PDXDC1: variants seen among roughly 807,000 people sequenced by gnomAD.
PDXDC1 encodes pyridoxal-dependent decarboxylase domain-containing protein 1.
Under a neutral mutation model 100.1 loss-of-function variants are expected in PDXDC1, and 42 were observed. The observed-to-expected ratio is 0.42, with a 90% CI of 0.33 to 0.54. The LOEUF is 0.54. PDXDC1 is among the 20% of genes least tolerant of loss of function. The pLI is 0.10. For synonymous variants in PDXDC1, 260 were observed against 371.7 expected, an observed-to-expected ratio of 0.70 and a Z score of 3.46; for missense variants, 636 against 979.2, an observed-to-expected ratio of 0.65 and a Z score of 4.68.
chr16:15,074,546 C>A lies in PDXDC1; in HGVS notation c.1399+44490C>A, dbSNP rs533748246. On this transcript the variant is annotated intron_variant, in intron 16 of 16. Transcript: ENST00000535621. ...ATATAACTCAGCCAGAATCCCAGTC[C>A]CATTTTCAAGCTATGTGACTGGCAA... 9 of 455,992 alleles carry A rather than the reference C, an allele frequency of 2.0e-5. No individual in the cohort carries two copies. The South Asian group carries it at 4.6e-4, about 23-fold the overall frequency. 28.2% of individuals were successfully genotyped at this position (455,992 alleles called of 1,614,324 possible).
At chr16:15,125,282 C>G in intron 16 of PDXDC1, 1 of 628,848 alleles carries the variant, frequency 1.6e-6, no homozygotes, top group Non-Finnish European at 2.8e-6. Flanking sequence ...CTGAGCAGGT[C>G]CGGCCAACTG....
At chr16:15,125,698 T>C in intron 16 of PDXDC1, 1 of 1,342,352 alleles carries the variant, frequency 7.4e-7, no homozygotes, top group Non-Finnish European at 1.1e-6. Context: ...CACCTCAGCG[T>C]GGAGGCCTGA....
intron 16 of PDXDC1, among the ~76,000 whole-genome samples, chr16:15,117,306 GAAA>G (rs2047265548): frequency 9.5e-6 from 1 of 105,356 alleles, no homozygotes; most frequent in Non-Finnish European, 1.9e-5. Context: ...TGTAGATCTT[GAAA>G]GGGGGTTGGT....
At chr16:15,094,102 G>T in intron 16 of PDXDC1, 2 of 1,529,266 alleles carry the variant, frequency 1.3e-6, no homozygotes, top group Non-Finnish European at 1.8e-6. Context: ...GCCGTCCTGA[G>T]CTTTCGTCCC....
rs1375708055 is a variant in PDXDC1 at position 15,122,113 on chromosome 16, G to A, written c.1400-16766G>A. On this transcript the variant is annotated intron_variant, in intron 16 of 16. Transcript: ENST00000535621. Reference sequence around the variant, plus strand: ...CCGGAAGCGGAGGTTGCAGTGAGCCGAGATCTTGCCACTGCACTCCAGCCT... The same window carrying A: ...CCGGAAGCGGAGGTTGCAGTGAGCCAAGATCTTGCCACTGCACTCCAGCCT... 1.1e-4 allele frequency among the ~76,000 whole-genome samples: 16 copies of A among 151,980 alleles called. 1 individual carries two copies. The South Asian group carries it at 1.9e-3, about 18-fold the overall frequency.
intron 16 of PDXDC1, chr16:15,138,259 T>A: frequency 4.0e-6 from 1 of 252,000 alleles, no homozygotes; most frequent in South Asian, 2.4e-5. Flanking sequence ...TTGTTGCTTA[T>A]ATCCCTGGAA....
intron 21 of PDXDC1, 70 bp from the exon 22 acceptor site, chr16:15,035,379 T>A: frequency 1.3e-6 from 1 of 763,098 alleles, no homozygotes; most frequent in Non-Finnish European, 2.1e-6. Flanking sequence ...CAAGGCTGTG[T>A]GAGGGCAGGT....
At chr16:15,056,339 C>G (rs1025574195) in intron 16 of PDXDC1, among the ~76,000 whole-genome samples, 2 of 152,228 alleles carry the variant, frequency 1.3e-5, no homozygotes, top group Non-Finnish European at 2.9e-5. Context: ...AGAGAGCCTC[C>G]GGGCGAGTTC....
intron 16 of PDXDC1, chr16:15,061,800 G>A: frequency 1.2e-6 from 2 of 1,614,176 alleles, no homozygotes; most frequent in South Asian, 1.1e-5. Flanking sequence ...CTACTTGAAG[G>A]ACTTCGGAAA....
intron 8 of PDXDC1, among the ~76,000 whole-genome samples, chr16:15,011,299 G>A (rs1484398155): frequency 6.6e-6 from 1 of 152,300 alleles, no homozygotes; most frequent in African/African-American, 2.4e-5. Context: ...GTAATTCGAG[G>A]GAGAAAGGAC....
chr16:15,131,281 A>T (rs1462244246), intron 16 of PDXDC1: 1 of 1,582,508 alleles, frequency 6.3e-7, no homozygotes, highest in Admixed American at 1.7e-5. Context: ...CAGCCGCTCG[A>T]TGGGGATCTG....
chr16:15,048,109 T>TAAAAA, intron 16 of PDXDC1: 2 of 1,432,984 alleles, frequency 1.4e-6, no homozygotes, highest in Non-Finnish European at 1.9e-6. Flanking sequence ...CCTGTTTAAT[T>TAAAAA]AAAAAAAAAA....
chr16:15,086,311 T>A, intron 16 of PDXDC1: 1 of 1,605,914 alleles, frequency 6.2e-7, no homozygotes, highest in Non-Finnish European at 8.5e-7. Context: ...TAACATATAC[T>A]ATTACCAAAG....
chr16:15,142,325 A>T (rs1160795676), downstream of PDXDC1, among the ~76,000 whole-genome samples: 4 of 151,748 alleles, frequency 2.6e-5, no homozygotes, highest in African/African-American at 9.7e-5. Context: ...CCCGCCTGTC[A>T]CCGGTTCTGG....
intron 16 of PDXDC1, chr16:15,125,933 G>A: frequency 3.2e-6 from 2 of 634,328 alleles, no homozygotes; most frequent in South Asian, 1.8e-5. Flanking sequence ...TAGAATGCTG[G>A]ATATATGGGA....
chr16:15,094,181 G>T (rs367562275), intron 16 of PDXDC1: 2 of 1,602,446 alleles, frequency 1.2e-6, no homozygotes, highest in Non-Finnish European at 1.7e-6. Flanking sequence ...AACTGCAGAG[G>T]ACGAAGCGGC....
At chr16:15,044,522 C>T (rs758655524) in intron 16 of PDXDC1, 11 of 740,098 alleles carry the variant, frequency 1.5e-5, no homozygotes, top group Non-Finnish European at 2.6e-5. Flanking sequence ...AGCAGAGCTG[C>T]AGGTCATCTT....
At chr16:15,027,025 G>T (rs545967894) in intron 14 of PDXDC1, among the ~76,000 whole-genome samples, 1 of 135,354 alleles carries the variant, frequency 7.4e-6, no homozygotes, top group African/African-American at 2.6e-5. Flanking sequence ...TTGTGCCCAG[G>T]AATCTGTATC....
intron 16 of PDXDC1, chr16:15,060,065 G>A (rs1280178110): frequency 1.9e-5 from 5 of 267,232 alleles, no homozygotes; most frequent in South Asian, 3.4e-5. Flanking sequence ...GTATAAGAAC[G>A]TAAGTTCCAG....
Sources: allele counts gnomAD v4.1 joint callset (sites outside exome capture counted in the v4.1 genomes callset), GRCh38; gene constraint gnomAD v4.1.1; transcripts MANE v1.5; gene names NCBI Gene and HGNC (gene_info 2026-07-23, HGNC 2026-07-21).